The following TWIST2 variants were observed in gnomAD, a reference collection of about 807,000 sequenced individuals.
TWIST2 encodes the protein twist-related protein 2.
In TWIST2, 1 loss-of-function variant was observed where a neutral mutation model predicts 11.6. The ratio of observed to expected loss-of-function variants is 0.09; its 90% CI spans 0.03 to 0.41. The LOEUF is 0.41. Among genes scored for constraint, TWIST2 ranks in the 10% least tolerant of loss-of-function variants. The pLI is 0.98. For missense variants in TWIST2, 168 were observed against 226.4 expected, an observed-to-expected ratio of 0.74 and a Z score of 1.66; for synonymous variants, 87 against 96.6, an observed-to-expected ratio of 0.90 and a Z score of 0.58.
chr2:238,873,310 G>A (rs912319826), intron 1 of TWIST2, among the ~76,000 whole-genome samples: 1 of 152,126 alleles, frequency 6.6e-6, no homozygotes, highest in Non-Finnish European at 1.5e-5. Flanking sequence ...GGGGAGGGGA[G>A]GGCAGGCAGG....
chr2:238,909,596 A>G (rs1487058261), intron 1 of TWIST2, among the ~76,000 whole-genome samples: 1 of 152,114 alleles, frequency 6.6e-6, no homozygotes, highest in African/African-American at 2.4e-5. Context: ...GGGGGCAGGA[A>G]AGGGCACTCG....
chr2:238,875,342 G>C (rs571439466), intron 1 of TWIST2, among the ~76,000 whole-genome samples: 38 of 151,852 alleles, frequency 2.5e-4, no homozygotes, highest in South Asian at 1.2e-3. Context: ...AGAAGAAGAC[G>C]GCCTCTTCCA....
intron 1 of TWIST2, among the ~76,000 whole-genome samples, chr2:238,870,149 C>A (rs1285240919): frequency 7.6e-5 from 11 of 144,406 alleles, no homozygotes; most frequent in South Asian, 4.3e-4. Flanking sequence ...ACCCCATACA[C>A]ACCACACCCC....
At chr2:238,856,728 G>A (rs994082112) in intron 1 of TWIST2, among the ~76,000 whole-genome samples, 8 of 151,994 alleles carry the variant, frequency 5.3e-5, no homozygotes, top group East Asian at 3.9e-4. Flanking sequence ...TGGGAGACCC[G>A]GCACCTCTTC....
chr2:238,860,280 C>T (rs977150238), intron 1 of TWIST2, among the ~76,000 whole-genome samples: 1 of 152,218 alleles, frequency 6.6e-6, no homozygotes, highest in Non-Finnish European at 1.5e-5. Context: ...CTAACTCGTT[C>T]AGCACCAGTT....
At chr2:238,874,812 G>A (rs919791405) in intron 1 of TWIST2, among the ~76,000 whole-genome samples, 1 of 152,130 alleles carries the variant, frequency 6.6e-6, no homozygotes, top group African/African-American at 2.4e-5. Context: ...GATTCAGGTA[G>A]GAGAGGGGCC....
chr2:238,858,324 A>C (rs1692366790), intron 1 of TWIST2, among the ~76,000 whole-genome samples: 1 of 152,154 alleles, frequency 6.6e-6, no homozygotes, highest in Admixed American at 6.5e-5. Flanking sequence ...TCTACAACAG[A>C]TTTTGCAATT....
chr2:238,902,944 T>G (rs1249033394), intron 1 of TWIST2, among the ~76,000 whole-genome samples: 733 of 26,114 alleles, frequency 0.028, 91 homozygotes, highest in East Asian at 0.049. Flanking sequence ...GTGGGTGTTG[T>G]GATGTGTGAG....
chr2:238,905,380 G>T (rs1423696247), intron 1 of TWIST2, among the ~76,000 whole-genome samples: 2 of 152,134 alleles, frequency 1.3e-5, no homozygotes, highest in African/African-American at 4.8e-5. Flanking sequence ...TGCAGGAGGC[G>T]CTCCCCAGCC....
chr2:238,892,195 C>T (rs924287863), intron 1 of TWIST2, among the ~76,000 whole-genome samples: 7 of 152,080 alleles, frequency 4.6e-5, no homozygotes, highest in African/African-American at 1.7e-4. Flanking sequence ...GGGTGAGAGA[C>T]TCCGGCTCAC....
At chr2:238,852,669 G>A (rs1028513373) in intron 1 of TWIST2, among the ~76,000 whole-genome samples, 5 of 14,796 alleles carry the variant, frequency 3.4e-4, no homozygotes, top group Non-Finnish European at 3.9e-4. Context: ...ACACACACAC[G>A]CACATGCACG....
At chr2:238,849,632 G>A (rs1168384572) in intron 1 of TWIST2, among the ~76,000 whole-genome samples, 2 of 152,210 alleles carry the variant, frequency 1.3e-5, no homozygotes, top group African/African-American at 4.8e-5. Context: ...GGGACAGGGA[G>A]GCTGTGCGCG....
intron 1 of TWIST2, among the ~76,000 whole-genome samples, chr2:238,878,855 C>T (rs956422526): frequency 6.6e-6 from 1 of 152,142 alleles, no homozygotes; most frequent in African/African-American, 2.4e-5. Context: ...CTTTATAGTC[C>T]TCCACCTTCA....
chr2:238,854,497 T>A (rs1304400869), intron 1 of TWIST2, among the ~76,000 whole-genome samples: 1 of 152,188 alleles, frequency 6.6e-6, no homozygotes, highest in Non-Finnish European at 1.5e-5. Flanking sequence ...GCAGAGTCTT[T>A]CCGGAGCACC....
chr2:238,862,453 C>T (rs545854318), intron 1 of TWIST2, among the ~76,000 whole-genome samples: 16 of 152,160 alleles, frequency 1.1e-4, no homozygotes, highest in Admixed American at 2.0e-4. Context: ...GGTCAATAAA[C>T]GCGTGAAGTG....
At chr2:238,858,490 C>T (rs1035143938) in intron 1 of TWIST2, among the ~76,000 whole-genome samples, 5 of 152,174 alleles carry the variant, frequency 3.3e-5, no homozygotes, top group African/African-American at 1.2e-4. Context: ...AAGTGACTCT[C>T]TTGGTCAGAA....
rs948691488 is a variant in TWIST2 at position 238,866,736 on chromosome 2, C to T, written c.*35+18003C>T. Among the ~76,000 whole-genome samples, 1 of 152,174 alleles carries T rather than the reference C, an allele frequency of 6.6e-6. No homozygotes were observed. The highest frequency in any genetic ancestry group is 1.5e-5 in the Non-Finnish European group (1 of 68,028). On this transcript the variant is annotated intron_variant, in intron 1 of 1. Coordinates refer to ENST00000612363, the MANE Select transcript of TWIST2 (RefSeq NM_001271893.4). The surrounding 1 kb of genome is among the most constrained non-coding windows in gnomAD (Gnocchi z 4.9). ...TCCCTTGACTGGAATCTCCCTTGTG[C>T]CCGACAGGACTACCTCCAGTGTCCC...
chr2:238,871,488 A>G (rs1283602086), intron 1 of TWIST2, among the ~76,000 whole-genome samples: 1 of 80,702 alleles, frequency 1.2e-5, no homozygotes, highest in South Asian at 5.2e-4. Context: ...TCCCACACAC[A>G]CCACACACAC....
At position 238,872,746 on chromosome 2, in the gene TWIST2, T is replaced by G. The variant is rs1258948497; in HGVS notation, c.*35+24013T>G. 2.0e-5 allele frequency among the ~76,000 whole-genome samples: 3 copies of G among 152,288 alleles called. No homozygotes were observed. In the East Asian group the frequency reaches 5.8e-4, roughly 29 times the overall value. On this transcript the variant is annotated intron_variant, in intron 1 of 1. Coordinates refer to ENST00000612363, the MANE Select transcript of TWIST2 (RefSeq NM_001271893.4). ...ACTAAACCCCTGGCACCAGGACGAT[T>G]TACTGGACAGGTGACCAGTGTTGTT... is the stretch of plus-strand genomic sequence containing the variant.
Sources: allele counts gnomAD v4.1 joint callset (sites outside exome capture counted in the v4.1 genomes callset), GRCh38; gene constraint gnomAD v4.1.1; non-coding constraint Gnocchi (gnomAD v3.1); transcripts MANE v1.5; gene names NCBI Gene and HGNC (gene_info 2026-07-23, HGNC 2026-07-21).